Variants in MUTYH observed in about 807,000 individuals in gnomAD.
The protein encoded by MUTYH is adenine DNA glycosylase.
In MUTYH, 64 loss-of-function variants were observed where a neutral mutation model predicts 72.9. That is an observed-to-expected ratio of 0.88 (90% confidence interval 0.72 to 1.08). The LOEUF is 1.08. MUTYH is among the 50% of genes least tolerant of loss of function. MUTYH has a pLI of 0.00. For missense variants in MUTYH, 633 were observed against 671.0 expected, an observed-to-expected ratio of 0.94 and a Z score of 0.63; for synonymous variants, 234 against 263.1, an observed-to-expected ratio of 0.89 and a Z score of 1.07.
intron 1 of MUTYH, among the ~76,000 whole-genome samples, chr1:45,336,797 C>T (rs1391958871): frequency 2.6e-5 from 4 of 152,322 alleles, no homozygotes; most frequent in East Asian, 1.9e-4. Flanking sequence ...AGACACCCCT[C>T]CCATAATCTG....
chr1:45,332,957 C>A lies in MUTYH; in HGVS notation c.381G>T (p.Lys127Asn), dbSNP rs878854190. ...VINYYTGWMQ[K>N]WPTLQDLASA... ...TGGCCAGGTCCTGCAGTGTAGGCCA[C>A]TTCTATAGCCACAGGCAGGCAGAAA... The change falls in exon 6 of 16, where the codon AAG (lysine) becomes AAT (asparagine). Residue 127 changes from lysine to asparagine, a missense_variant and splice_region_variant. Lys to Asn is a moderately conservative substitution (Grantham distance 94). Transcript: ENST00000456914. 1 of 1,614,014 alleles carries A rather than the reference C, an allele frequency of 6.2e-7. No homozygotes were observed. Among genetic ancestry groups the A allele is most frequent in the Admixed American group, 1.7e-5 (1 of 60,010 alleles).
rs3219487 is a variant in MUTYH at position 45,332,883 on chromosome 1, T to C, written c.420+35A>G. ...AGAGATCACCCGTCAGTCCCTCTATTGTTCCTATTTCCCCTACCCTAGGGT... is the reference window on the plus strand; with the variant it reads ...AGAGATCACCCGTCAGTCCCTCTATCGTTCCTATTTCCCCTACCCTAGGGT... On this transcript the variant is annotated intron_variant, in intron 6 of 15. Transcript: ENST00000456914. 0.92 allele frequency: 1,477,974 copies of C among 1,614,088 alleles called. 677,042 individuals are homozygous for C. Among genetic ancestry groups the C allele is most frequent in the African/African-American group, 0.97 (72,561 of 75,026 alleles).
At chr1:45,333,935 TG>T (rs1645456385) in intron 2 of MUTYH, among the ~76,000 whole-genome samples, 1 of 152,204 alleles carries the variant, frequency 6.6e-6, no homozygotes. Context: ...TCCATTTTAC[TG>T]GTAAGAAAGC....
intron 15 of MUTYH, chr1:45,330,168 G>C (rs1053179642): frequency 8.3e-6 from 2 of 239,906 alleles, no homozygotes; most frequent in Admixed American, 1.1e-4. Context: ...AGTTGTGGGA[G>C]ATTGCAGTGA....
intron 1 of MUTYH, 186 bp downstream of exon 1, chr1:45,339,713 G>T: frequency 2.6e-6 from 2 of 770,914 alleles, no homozygotes; most frequent in Non-Finnish European, 3.9e-6. Flanking sequence ...CCCACTCCCC[G>T]CCTCTTTCAC....
At chr1:45,336,432 T>C (rs963441044) in intron 1 of MUTYH, among the ~76,000 whole-genome samples, 3 of 152,324 alleles carry the variant, frequency 2.0e-5, no homozygotes, top group Middle Eastern at 3.4e-3. Flanking sequence ...CTGAAGCAAC[T>C]GAAGATCTAC....
chr1:45,329,530 T>C, intron 15 of MUTYH, 93 bp from the exon 16 acceptor site: 1 of 1,517,820 alleles, frequency 6.6e-7, no homozygotes, highest in Non-Finnish European at 9.0e-7. Context: ...CCGACTCTAC[T>C]GATCTAGCTA....
In MUTYH at chr1:45,339,970, G is replaced by C; in HGVS notation, c.-78C>G. 1 of 1,523,456 alleles carries C rather than the reference G, an allele frequency of 6.6e-7. No homozygotes were observed. Among genetic ancestry groups the C allele is most frequent in the South Asian group, 1.2e-5 (1 of 83,534 alleles). The allele number at this position is 1,523,456 out of a possible 1,614,324, so 94.4% of individuals were successfully genotyped here. ...TCCCGCCGCGAGAGCAGGAGAGAAA[G>C]ATTACCTCCCGCGAGCTCTAGCGCG... On this transcript the variant is annotated 5_prime_UTR_variant, in exon 1 of 16. Transcript: ENST00000456914.
chr1:45,332,035 C>T lies in MUTYH; in HGVS notation c.901G>A (p.Val301Met), dbSNP rs147718169. 1.0e-4 allele frequency: 166 copies of T among 1,614,230 alleles called. 1 individual carries two copies. In the Middle Eastern group the frequency reaches 3.0e-3, roughly 29 times the overall value. ...GTTTGGTGCTCACCACACTCCTCCA[C>T]GTCAGGACTGCCCGACAGGCTCCCT... is the stretch of plus-strand genomic sequence containing the variant. ...ASGSLSGSPDVEECAPNTGQC... is the reference protein window; with the variant it reads ...ASGSLSGSPDMEECAPNTGQC... The change falls in exon 11 of 16, where the codon GTG (valine) becomes ATG (methionine). Residue 301 changes from valine to methionine, a missense_variant. Val to Met is a conservative substitution (Grantham distance 21). Transcript: ENST00000456914.
chr1:45,332,611 T>G lies in MUTYH; in HGVS notation c.569A>C (p.Tyr190Ser). 1 of 1,614,130 alleles carries G rather than the reference T, an allele frequency of 6.2e-7. No individual in the cohort carries two copies. The highest frequency in any genetic ancestry group is 8.5e-7 in the Non-Finnish European group (1 of 1,180,006). The change falls in exon 8 of 16, where the codon TAC becomes TCC. Residue 190 changes from tyrosine (Y) to serine (S), a missense_variant. Tyr to Ser is a moderately radical substitution (Grantham distance 144). Transcript: ENST00000456914. Reference sequence around the variant, plus strand: ...GATAGAGGCAATGGCCCCAGCTGTGTAGCGCCCCACGCCAGGCAGGAGCTG... The same window carrying G: ...GATAGAGGCAATGGCCCCAGCTGTGGAGCGCCCCACGCCAGGCAGGAGCTG... ...LQQLLPGVGR[Y>S]TAGAIASIAF... is the part of the protein sequence containing the mutation.
In MUTYH at chr1:45,332,336, A is replaced by G. The variant is rs751216247; in HGVS notation, c.705-26T>C. 2.5e-6 allele frequency: 4 copies of G among 1,613,998 alleles called. No homozygotes were observed. In the African/African-American group the frequency reaches 5.3e-5, roughly 22 times the overall value. ...CTAAAAGAAGGGAACACTGCTGTGA[A>G]GCAGAGCTCCTTTGCAGACACCCCT... On this transcript the variant is annotated intron_variant, in intron 9 of 15. Coordinates refer to ENST00000456914, the MANE Select transcript of MUTYH (RefSeq NM_001048174.2).
At chr1:45,331,041 C>T (rs989427518) in intron 14 of MUTYH, 141 bp downstream of exon 14, 69 of 1,130,868 alleles carry the variant, frequency 6.1e-5, no homozygotes, top group South Asian at 3.5e-4. Context: ...ACCGAGATAG[C>T]GCCATTGCAC....
At chr1:45,329,743 C>T in intron 15 of MUTYH, 1 of 380,596 alleles carries the variant, frequency 2.6e-6, no homozygotes, top group Non-Finnish European at 4.9e-6. Context: ...TCCAGCTAAA[C>T]CAACTGCTCA....
At position 45,332,030 on chromosome 1, in the gene MUTYH, C is replaced by T. The variant is rs1553127290; in HGVS notation, c.906G>A (p.Glu302=). 2 of 1,614,224 alleles carry T rather than the reference C, an allele frequency of 1.2e-6. No individual in the cohort carries two copies. Among genetic ancestry groups the T allele is most frequent in the South Asian group, 1.1e-5 (1 of 91,090 alleles). ...GCTAGGTTTGGTGCTCACCACACTC[C>T]TCCACGTCAGGACTGCCCGACAGGC... ...SGSLSGSPDV[E]ECAPNTGQCH... is the part of the protein sequence containing the mutation. The change falls in exon 11 of 16, where the codon GAG becomes GAA. Residue 302 remains glutamate (E), a synonymous_variant. Transcript: ENST00000456914.
At chr1:45,333,778 T>A (rs1164034395) in intron 2 of MUTYH, 1 of 232,824 alleles carries the variant, frequency 4.3e-6, no homozygotes, top group Non-Finnish European at 7.0e-6. Flanking sequence ...TACTGGCTTG[T>A]CTCTGAGCCA....
In MUTYH at chr1:45,332,252, T is replaced by G. The variant is rs876659676; in HGVS notation, c.763A>C (p.Met255Leu). ...GTACACACTGTGGCCCCTAGCTCCA[T>G]GGCTGCTTGGTTGAAATCTCCTGGC... is the stretch of plus-strand genomic sequence containing the variant. ...ARPGDFNQAA[M>L]ELGATVCTPQ... The change falls in exon 10 of 16, where the codon ATG becomes CTG. Residue 255 changes from methionine to leucine, a missense_variant. Coordinates refer to ENST00000456914, the MANE Select transcript of MUTYH (RefSeq NM_001048174.2). 1 of 1,613,902 alleles carries G rather than the reference T, an allele frequency of 6.2e-7. No homozygotes were observed. The highest frequency in any genetic ancestry group is 1.3e-5 in the African/African-American group (1 of 74,870).
Position 45,332,451 on chromosome 1 carries a change from A to G in MUTYH, c.644T>C (p.Leu215Pro), listed in dbSNP as rs1645090090. Residue 215 changes from leucine (L) to proline (P), a missense_variant, in exon 9 of 16, where the codon CTG (leucine) becomes CCG (proline). By Grantham distance (98) the Leu-to-Pro change is moderately conservative (BLOSUM62 -3). Coordinates refer to ENST00000456914, the MANE Select transcript of MUTYH (RefSeq NM_001048174.2). The stretch of plus-strand genomic sequence containing the variant: ...AGCACCAATGGCTCGGACACGGCAC[A>G]GCACCCGTGCTACGTTGCCATCCAC... ...GVVDGNVARVLCRVRAIGADP... is the reference protein window; with the variant it reads ...GVVDGNVARVPCRVRAIGADP... The G allele has an allele frequency of 6.2e-7, 1 of 1,614,124 alleles. No homozygotes were observed. The highest frequency in any genetic ancestry group is 1.7e-5 in the Admixed American group (1 of 60,030).
Position 45,331,505 on chromosome 1 carries a change from T to C in MUTYH, c.1154A>G (p.Glu385Gly). Residue 385 changes from glutamate to glycine, a missense_variant, in exon 13 of 16, where the codon GAG (glutamate) becomes GGG (glycine). Coordinates refer to ENST00000456914, the MANE Select transcript of MUTYH (RefSeq NM_001048174.2). ...CAGCAGGGCCTTGCGCTGAAGCTGC[T>C]CTGAGGGCTCCCAGGTCACGGACGG... is the stretch of plus-strand genomic sequence containing the variant. ...EFPSVTWEPS[E>G]QLQRKALLQE... 6.2e-7 allele frequency: 1 copy of C among 1,614,146 alleles called. No individual in the cohort carries two copies. The highest frequency in any genetic ancestry group is 8.5e-7 in the Non-Finnish European group (1 of 1,180,028).
rs1557478098 is a variant in MUTYH at position 45,332,748 on chromosome 1, C to T, written c.492+15G>A. On this transcript the variant is annotated intron_variant, in intron 7 of 15. Coordinates refer to ENST00000456914, the MANE Select transcript of MUTYH (RefSeq NM_001048174.2). ...CCAAGACTCCTGGGTTCCTACCCTC[C>T]TGCCATCCCCTTACCTTCCGAGCTC... 6.2e-7 allele frequency: 1 copy of T among 1,614,200 alleles called. No individual in the cohort carries two copies.
Sources: allele counts gnomAD v4.1 joint callset (sites outside exome capture counted in the v4.1 genomes callset), GRCh38; gene constraint gnomAD v4.1.1; transcripts MANE v1.5; gene names NCBI Gene and HGNC (gene_info 2026-07-23, HGNC 2026-07-21).